FAIM2: variants seen among roughly 807,000 people sequenced by gnomAD.
FAIM2 encodes protein lifeguard 2.
Under a neutral mutation model 47.4 loss-of-function variants are expected in FAIM2, and 27 were observed. The observed-to-expected ratio is 0.57, with a 90% CI of 0.42 to 0.78. The LOEUF (loss-of-function observed/expected upper bound fraction) is 0.78. Ranked by LOEUF, FAIM2 falls within the 30% of genes least tolerant of loss-of-function variation. The pLI, the probability that FAIM2 is intolerant of heterozygous loss-of-function variation, is 0.00. For synonymous variants in FAIM2, 156 were observed against 159.3 expected (o/e 0.98, Z 0.16); for missense variants, 311 against 389.4 (o/e 0.80, Z 1.69).
rs1161483587 is a variant in FAIM2 at position 49,869,179 on chromosome 12, C to T, written c.*1325G>A. Reference sequence around the variant, plus strand: ...CCTCCTGGTTCCCTCCCCACAGGCGCCCCTCTGGGGGTTGGAGGGCTGACG... The same window carrying T: ...CCTCCTGGTTCCCTCCCCACAGGCGTCCCTCTGGGGGTTGGAGGGCTGACG... On this transcript the variant is annotated 3_prime_UTR_variant, in exon 12 of 12. Transcript: ENST00000320634. 1 of 152,896 alleles carries T rather than the reference C, an allele frequency of 6.5e-6. No homozygotes were observed. Among genetic ancestry groups the T allele is most frequent in the Non-Finnish European group, 1.5e-5 (1 of 68,466 alleles). The allele number at this position is 152,896 out of a possible 1,614,324, so 9.5% of individuals were successfully genotyped here.
At chr12:49,878,559 AGT>A (rs143184923) in intron 11 of FAIM2, among the ~76,000 whole-genome samples, 87,245 of 124,990 alleles carry the variant, frequency 0.7, 34,585 homozygotes, top group African/African-American at 0.82. Flanking sequence ...TGCATGTGTG[AGT>A]GTATATGTTC....
At chr12:49,895,000 C>T (rs961245138) in intron 5 of FAIM2, among the ~76,000 whole-genome samples, 1 of 152,076 alleles carries the variant, frequency 6.6e-6, no homozygotes. Flanking sequence ...TGAGACCTAC[C>T]AGGACTCAGA....
intron 5 of FAIM2, among the ~76,000 whole-genome samples, chr12:49,891,660 C>T (rs1273206577): frequency 4.6e-5 from 7 of 152,160 alleles, no homozygotes; most frequent in Non-Finnish European, 7.3e-5. Flanking sequence ...TTATCATTAC[C>T]TGGAGTGATC....
At chr12:49,880,369 T>C (rs1182605137) in intron 11 of FAIM2, among the ~76,000 whole-genome samples, 7 of 124,388 alleles carry the variant, frequency 5.6e-5, no homozygotes, top group African/African-American at 7.9e-5. Flanking sequence ...TATATGTGCA[T>C]GTGTATGTGT....
At position 49,889,560 on chromosome 12, in the gene FAIM2, T is replaced by G. The variant is rs1273383766; in HGVS notation, c.572A>C (p.Asn191Thr). 5 of 1,613,566 alleles carry G rather than the reference T, an allele frequency of 3.1e-6. No homozygotes were observed. The highest frequency in any genetic ancestry group is 1.3e-5 in the African/African-American group (1 of 74,820). The change falls in exon 9 of 12, where the codon AAC (asparagine) becomes ACC (threonine). Residue 191 changes from asparagine to threonine, a missense_variant. Physicochemically the swap from Asn to Thr is moderately conservative, Grantham distance 65. Transcript: ENST00000320634. ...YLTGMLSSYY[N>T]TTSVLLCLGI... ...CAGGCACAGCAGCACGGAGGTGGTGTTGTAGTAGCTGAGGACCGTCAGGCC... is the reference window on the plus strand; with the variant it reads ...CAGGCACAGCAGCACGGAGGTGGTGGTGTAGTAGCTGAGGACCGTCAGGCC...
intron 9 of FAIM2, 55 bp from the exon 10 acceptor site, chr12:49,889,257 C>T: frequency 7.4e-7 from 1 of 1,353,058 alleles, no homozygotes; most frequent in Non-Finnish European, 1.0e-6. Context: ...CCTGGGGCCC[C>T]AACTACAGGC....
intron 11 of FAIM2, among the ~76,000 whole-genome samples, chr12:49,873,078 C>A (rs1209793930): frequency 1.3e-5 from 2 of 152,048 alleles, no homozygotes; most frequent in African/African-American, 2.4e-5. Context: ...CTTAACACAG[C>A]GAAAATGGGG....
At chr12:49,871,217 G>T (rs1170256831) in intron 11 of FAIM2, among the ~76,000 whole-genome samples, 1 of 152,238 alleles carries the variant, frequency 6.6e-6, no homozygotes, top group East Asian at 1.9e-4. Context: ...GCGAGGCCCA[G>T]AGACCTTAAA....
intron 5 of FAIM2, among the ~76,000 whole-genome samples, chr12:49,893,805 T>A (rs1946916800): frequency 6.6e-6 from 1 of 152,178 alleles, no homozygotes; most frequent in South Asian, 2.1e-4. Context: ...CCTGCCCGAT[T>A]TAGGAAACAC....
chr12:49,891,207 C>A (rs1040365730), intron 5 of FAIM2, 93 bp from the exon 6 acceptor site: 1 of 1,222,466 alleles, frequency 8.2e-7, no homozygotes. Flanking sequence ...CCACCCCCAC[C>A]CACAGGGCAG....
rs1471297907 is a variant in FAIM2 at position 49,869,524 on chromosome 12, G to C, written c.*980C>G. The C allele has an allele frequency of 6.6e-6, 1 of 152,462 alleles. No homozygotes were observed. Among genetic ancestry groups the C allele is most frequent in the Non-Finnish European group, 1.5e-5 (1 of 68,136 alleles). The allele number at this position is 152,462 out of a possible 1,614,324, so 9.4% of individuals were successfully genotyped here. A position where few individuals can be genotyped will look rare whatever the true frequency, so the allele number is the denominator to read the frequency against. On this transcript the variant is annotated 3_prime_UTR_variant, in exon 12 of 12. Transcript: ENST00000320634. Reference sequence around the variant, plus strand: ...GGGACTCCCACACAGCCTCGGGTTAGGGCTGAGGCAGAGCAGGGACTCCTT... The same window carrying C: ...GGGACTCCCACACAGCCTCGGGTTACGGCTGAGGCAGAGCAGGGACTCCTT...
In FAIM2 at chr12:49,875,217, T is replaced by C. The variant is rs538077528; in HGVS notation, c.802-4564A>G. On this transcript the variant is annotated intron_variant, in intron 11 of 11. Coordinates refer to ENST00000320634, the MANE Select transcript of FAIM2 (RefSeq NM_012306.4). ...ACAAAAGAAGAGTTCGTGAACTCTT[T>C]CACTGAATTCTCACCATAAGCCTCT... Among the ~76,000 whole-genome samples, 25 of 152,344 alleles carry C rather than the reference T, an allele frequency of 1.6e-4. No individual in the cohort carries two copies. The East Asian group carries it at 4.6e-3, about 28-fold the overall frequency.
chr12:49,889,452 G>A (rs765057686), intron 9 of FAIM2, 29 bp downstream of exon 9: 3 of 1,599,406 alleles, frequency 1.9e-6, no homozygotes, highest in Non-Finnish European at 2.6e-6. Context: ...TCAGGCCAGG[G>A]GTCCCTGCCT....
chr12:49,884,268 G>C (rs1423975542), intron 11 of FAIM2, among the ~76,000 whole-genome samples: 1 of 151,736 alleles, frequency 6.6e-6, no homozygotes, highest in Non-Finnish European at 1.5e-5. Flanking sequence ...GAGAATGGGA[G>C]GGAAAGGAAT....
Position 49,874,856 on chromosome 12 carries a change from G to A in FAIM2, c.802-4203C>T, listed in dbSNP as rs77758882. On this transcript the variant is annotated intron_variant, in intron 11 of 11. Coordinates refer to ENST00000320634, the MANE Select transcript of FAIM2 (RefSeq NM_012306.4). The surrounding 1 kb of genome is among the most constrained non-coding windows in gnomAD (Gnocchi z 4.2). ...ACAACCCAAACTCTACCAACACGGGGGTGGTTAAATAAACTCTGGGCAGCA... is the reference window on the plus strand; with the variant it reads ...ACAACCCAAACTCTACCAACACGGGAGTGGTTAAATAAACTCTGGGCAGCA... Among the ~76,000 whole-genome samples, 399 of 152,306 alleles carry A rather than the reference G, an allele frequency of 2.6e-3. 6 individuals are homozygous for A. In the East Asian group the frequency reaches 0.037, roughly 14 times the overall value.
chr12:49,902,674 C>T (rs1946989316), intron 1 of FAIM2, among the ~76,000 whole-genome samples: 1 of 148,668 alleles, frequency 6.7e-6, no homozygotes. Flanking sequence ...ACTGAACACT[C>T]CCCAGGCCTC....
intron 11 of FAIM2, among the ~76,000 whole-genome samples, chr12:49,877,331 G>A (rs1313291985): frequency 6.6e-6 from 1 of 152,214 alleles, no homozygotes; most frequent in African/African-American, 2.4e-5. Context: ...CCAGCCCAGA[G>A]GAACCCACGC....
At chr12:49,891,209 A>C (rs1946897855) in intron 5 of FAIM2, 95 bp from the exon 6 acceptor site, 3 of 1,190,768 alleles carry the variant, frequency 2.5e-6, no homozygotes, top group South Asian at 1.2e-5. Context: ...ACCCCCACCC[A>C]CAGGGCAGCC....
rs1190748815 is a variant in FAIM2, at chr12:49,869,191, T to A, written c.*1313A>T. ...CTCCCCACAGGCGCCCCTCTGGGGG[T>A]TGGAGGGCTGACGCACACCCTGCCT... On this transcript the variant is annotated 3_prime_UTR_variant, in exon 12 of 12. Transcript: ENST00000320634. 1 of 152,612 alleles carries A rather than the reference T, an allele frequency of 6.6e-6. No individual in the cohort carries two copies. The highest frequency in any genetic ancestry group is 1.5e-5 in the Non-Finnish European group (1 of 68,412). 9.5% of individuals were successfully genotyped at this position (152,612 alleles called of 1,614,324 possible).
Sources: allele counts gnomAD v4.1 joint callset (sites outside exome capture counted in the v4.1 genomes callset), GRCh38; gene constraint gnomAD v4.1.1; non-coding constraint Gnocchi (gnomAD v3.1); transcripts MANE v1.5; gene names NCBI Gene and HGNC (gene_info 2026-07-23, HGNC 2026-07-21).